Variants in TRPM4 observed in about 807,000 individuals in gnomAD.
The protein encoded by TRPM4 is transient receptor potential cation channel subfamily M member 4, also known as calcium-activated non-selective cation channel 1.
A neutral mutation model predicts 135.6 loss-of-function variants in TRPM4; 124 were observed. That is an observed-to-expected ratio of 0.91 (90% CI 0.79 to 1.06). TRPM4 has a LOEUF of 1.06. TRPM4 is among the 50% of genes least tolerant of loss of function. TRPM4 has a pLI of 0.00. For synonymous variants in TRPM4, 745 were observed against 705.6 expected, an observed-to-expected ratio of 1.06 and a Z score of -0.88; for missense variants, 1,658 against 1,671.4, an observed-to-expected ratio of 0.99 and a Z score of 0.14.
In TRPM4 at chr19:49,171,109, T is replaced by C. The variant is rs1967435037; in HGVS notation, c.797-248T>C. 6.6e-6 allele frequency among the ~76,000 whole-genome samples: 1 copy of C among 152,106 alleles called. No homozygotes were observed. Reference sequence around the variant, plus strand: ...GGCTCATGCCTATAATCCCAGCACTTTGGGAGTCCAAGTTGGGAGGATTGC... The same window carrying C: ...GGCTCATGCCTATAATCCCAGCACTCTGGGAGTCCAAGTTGGGAGGATTGC... On this transcript the variant is annotated intron_variant, in intron 6 of 24. Coordinates refer to ENST00000252826, the MANE Select transcript of TRPM4 (RefSeq NM_017636.4). The surrounding 1 kb of genome is among the most constrained non-coding windows in gnomAD (Gnocchi z 4.7).
At chr19:49,188,524 G>T in intron 12 of TRPM4, 117 bp from the exon 13 acceptor site, 2 of 1,408,008 alleles carry the variant, frequency 1.4e-6, no homozygotes, top group Non-Finnish European at 2.0e-6. Flanking sequence ...TTCATCCTTG[G>T]CCTCTGATGA....
chr19:49,202,091 C>T lies in TRPM4; in HGVS notation c.3081C>T (p.Phe1027=), dbSNP rs753938906. The T allele has an allele frequency of 1.9e-6, 3 of 1,614,110 alleles. No individual in the cohort carries two copies. The African/African-American group carries it at 4.0e-5, about 22-fold the overall frequency. The change falls in exon 20 of 25, where the codon TTC becomes TTT. Residue 1027 remains phenylalanine, a synonymous_variant. Transcript: ENST00000252826. Reference sequence around the variant, plus strand: ...TGGTGGTGCTGCTCCTCGTCATCTTCCTGCTCGTGGCCAACATCCTGCTGG... The same window carrying T: ...TGGTGGTGCTGCTCCTCGTCATCTTTCTGCTCGTGGCCAACATCCTGCTGG... ...NWLVVLLLVI[F]LLVANILLVN... is the part of the protein sequence containing the mutation.
At chr19:49,182,334 GTCCATCCATCCATCCCTCTGTCCA>G (rs1357175797) in intron 10 of TRPM4, among the ~76,000 whole-genome samples, 8 of 77,474 alleles carry the variant, frequency 1.0e-4, no homozygotes. Context: ...CCATCCCTCT[GTCCATCCATCCATCCCTCTGTCCA>G]TCCATCCATC....
At chr19:49,188,532 T>C in intron 12 of TRPM4, 109 bp from the exon 13 acceptor site, 1 of 1,489,088 alleles carries the variant, frequency 6.7e-7, no homozygotes, top group African/African-American at 1.4e-5. Flanking sequence ...TGGCCTCTGA[T>C]GACCCCAGTT....
Position 49,168,639 on chromosome 19 carries a change from C to G in TRPM4, c.699C>G (p.Phe233Leu), listed in dbSNP as rs71352734. 1 of 1,613,512 alleles carries G rather than the reference C, an allele frequency of 6.2e-7. No individual in the cohort carries two copies. The highest frequency in any genetic ancestry group is 8.5e-7 in the Non-Finnish European group (1 of 1,179,988). The change falls in exon 6 of 25, where the codon TTC becomes TTG. Residue 233 changes from phenylalanine (F) to leucine (L), a missense_variant. By Grantham distance (22) the Phe-to-Leu change is conservative. Coordinates refer to ENST00000252826, the MANE Select transcript of TRPM4 (RefSeq NM_017636.4). ...TGGACTACAACTACTCGGCCTTCTT[C>G]CTGGTGGACGACGGCACACACGGCT... ...FPLDYNYSAF[F>L]LVDDGTHGCL... is the part of the protein sequence containing the mutation.
chr19:49,161,089 C>T (rs1295932758), intron 2 of TRPM4, among the ~76,000 whole-genome samples: 2 of 151,612 alleles, frequency 1.3e-5, no homozygotes, highest in Non-Finnish European at 2.9e-5. Context: ...CTAGGGGGAC[C>T]GAGGGGCATG....
At chr19:49,209,703 CTTGA>C (rs1404444586) in intron 20 of TRPM4, among the ~76,000 whole-genome samples, 1 of 150,200 alleles carries the variant, frequency 6.7e-6, no homozygotes, top group African/African-American at 2.5e-5. Context: ...ACCATCCCAA[CTTGA>C]CCTCTGACAT....
chr19:49,204,709 T>TA (rs1000484983), intron 20 of TRPM4, among the ~76,000 whole-genome samples: 289 of 151,970 alleles, frequency 1.9e-3, no homozygotes, highest in Middle Eastern at 6.8e-3. Flanking sequence ...TTTTTAATTT[T>TA]TTTTTTACTT....
chr19:49,163,077 A>C (rs1365449553), intron 2 of TRPM4, among the ~76,000 whole-genome samples: 1 of 151,086 alleles, frequency 6.6e-6, no homozygotes, highest in Non-Finnish European at 1.5e-5. Flanking sequence ...TTTTTATTTG[A>C]TTTAATTTTA....
At chr19:49,200,191 C>A in intron 17 of TRPM4, 109 bp from the exon 18 acceptor site, 1 of 1,558,252 alleles carries the variant, frequency 6.4e-7, no homozygotes, top group Non-Finnish European at 8.8e-7. Flanking sequence ...GGGTCCTGGT[C>A]CTGCCCGGTG....
chr19:49,168,495 G>A (rs1967321359), intron 5 of TRPM4, 58 bp from the exon 6 acceptor site: 26 of 1,613,688 alleles, frequency 1.6e-5, no homozygotes, highest in East Asian at 1.3e-4. Context: ...GGAGGGGCTC[G>A]TGTTTGTCCT....
At position 49,210,913 on chromosome 19, in the gene TRPM4, GT is replaced by G; in HGVS notation, c.3461+72del. The G allele has an allele frequency of 6.3e-7, 1 of 1,585,654 alleles. No individual in the cohort carries two copies. Among genetic ancestry groups the G allele is most frequent in the Non-Finnish European group, 8.6e-7 (1 of 1,166,980 alleles). Reference sequence around the variant, plus strand: ...GATCCTGACTTCAGCTGAAGGCAGGGTCCTGGGAGGGAGGGAGAGAGGGAGG... The same window carrying G: ...GATCCTGACTTCAGCTGAAGGCAGGGCCTGGGAGGGAGGGAGAGAGGGAGG... On this transcript the variant is annotated intron_variant, in intron 22 of 24. Coordinates refer to ENST00000252826, the MANE Select transcript of TRPM4 (RefSeq NM_017636.4). This position sits in a 1 kb window ranked among gnomAD's most constrained non-coding sequence, Gnocchi z 4.1.
intron 20 of TRPM4, among the ~76,000 whole-genome samples, chr19:49,209,928 T>G (rs1969284529): frequency 6.6e-6 from 1 of 152,024 alleles, no homozygotes; most frequent in Admixed American, 6.6e-5. Flanking sequence ...TTTGTATTTT[T>G]AGTAGAGATG....
chr19:49,210,768 G>C lies in TRPM4; in HGVS notation c.3387G>C (p.Lys1129Asn), dbSNP rs528838962. 39 of 1,614,120 alleles carry C rather than the reference G, an allele frequency of 2.4e-5. 2 individuals carry two copies. In the South Asian group the frequency reaches 4.3e-4, roughly 18 times the overall value. Reference protein sequence around the residue: ...RKLLTWESVHKENFLLARARD... With the variant: ...RKLLTWESVHNENFLLARARD... ...TGCTAACGTGGGAATCGGTGCATAA[G>C]GAGAACTTTCTGCTGGCACGCGCTA... is the stretch of plus-strand genomic sequence containing the variant. Residue 1129 changes from lysine (K) to asparagine (N), a missense_variant, in exon 22 of 25, where the codon AAG becomes AAC. By Grantham distance (94) the Lys-to-Asn change is moderately conservative. Transcript: ENST00000252826. The surrounding 1 kb of genome is among the most constrained non-coding windows in gnomAD (Gnocchi z 4.1).
Position 49,172,053 on chromosome 19 carries a change from T to G in TRPM4, c.1095T>G (p.Ser365=). The G allele has an allele frequency of 6.2e-7, 1 of 1,614,092 alleles. No homozygotes were observed. The highest frequency in any genetic ancestry group is 8.5e-7 in the Non-Finnish European group (1 of 1,179,976). The change falls in exon 9 of 25, where the codon TCT becomes TCG. Residue 365 remains serine (S), a synonymous_variant. Transcript: ENST00000252826. ...MTRKELLTVY[S]SEDGSEEFET... ...GGAAGGAGCTCCTGACAGTCTATTC[T>G]TCTGAGGATGGGTCTGAGGAATTCG...
Position 49,171,043 on chromosome 19 carries a change from G to A in TRPM4, c.797-314G>A, listed in dbSNP as rs942747413. On this transcript the variant is annotated intron_variant, in intron 6 of 24. Coordinates refer to ENST00000252826, the MANE Select transcript of TRPM4 (RefSeq NM_017636.4). The surrounding 1 kb of genome is among the most constrained non-coding windows in gnomAD (Gnocchi z 4.7). ...CATGCCCCTGCACTCTATCCTGGGCGATAGAGTGACACCCTGTTTCAGAAA... is the reference window on the plus strand; with the variant it reads ...CATGCCCCTGCACTCTATCCTGGGCAATAGAGTGACACCCTGTTTCAGAAA... 5.3e-5 allele frequency among the ~76,000 whole-genome samples: 8 copies of A among 151,942 alleles called. No individual in the cohort carries two copies. The highest frequency in any genetic ancestry group is 3.9e-4 in the Admixed American group (6 of 15,244).
intron 20 of TRPM4, among the ~76,000 whole-genome samples, chr19:49,206,542 C>A (rs554775072): frequency 2.0e-5 from 3 of 151,574 alleles, no homozygotes; most frequent in Non-Finnish European, 4.4e-5. Flanking sequence ...CGGGCTCAAG[C>A]GATTCTCCTG....
intron 6 of TRPM4, among the ~76,000 whole-genome samples, chr19:49,170,526 G>A (rs969159855): frequency 1.8e-4 from 28 of 152,122 alleles, no homozygotes; most frequent in African/African-American, 6.5e-4. Flanking sequence ...TCGATATAGT[G>A]CTATCTTTAT....
rs982355544 is a variant in TRPM4, at chr19:49,196,471, G to C, written c.2242G>C (p.Gly748Arg). 6 of 1,552,200 alleles carry C rather than the reference G, an allele frequency of 3.9e-6. No individual in the cohort carries two copies. The highest frequency in any genetic ancestry group is 4.3e-6 in the Non-Finnish European group (5 of 1,152,480). The change falls in exon 17 of 25, where the codon GGG becomes CGG. Residue 748 changes from glycine (G) to arginine (R), a missense_variant. Transcript: ENST00000252826. ...GGACCCAGCCGAGAAGACGCCGCTG[G>C]GGGTCCCGCGCCAGTCGGGCCGTCC... is the stretch of plus-strand genomic sequence containing the variant. ...TADPAEKTPL[G>R]VPRQSGRPGC...
Sources: gnomAD v4.1 joint callset for allele counts (sites outside exome capture counted in the v4.1 genomes callset) on GRCh38, gnomAD v4.1.1 for gene constraint, Gnocchi (gnomAD v3.1) non-coding constraint, MANE v1.5 for transcripts, NCBI Gene and HGNC (gene_info 2026-07-23, HGNC 2026-07-21) for gene names.